RBFOX1: variants seen among roughly 807,000 people sequenced by gnomAD.
RBFOX1 encodes the protein RNA binding fox-1 homolog 1, also known as RNA binding protein fox-1 homolog 1.
RBFOX1 carries 8 observed loss-of-function variants against 57.7 expected under a neutral mutation model. That is an observed-to-expected ratio of 0.14 (90% CI 0.08 to 0.25). RBFOX1 has a LOEUF of 0.25. Among genes scored for constraint, RBFOX1 ranks in the 10% least tolerant of loss-of-function variants. The pLI, the probability that RBFOX1 is intolerant of heterozygous loss-of-function variation, is 1.00. For synonymous variants in RBFOX1, 326 were observed against 222.4 expected (o/e 1.47, Z -4.15); for missense variants, 611 against 548.5 (o/e 1.11, Z -1.14).
intron 4 of RBFOX1, among the ~76,000 whole-genome samples, chr16:7,076,420 A>G (rs577010635): frequency 6.6e-6 from 1 of 152,266 alleles, no homozygotes; most frequent in Admixed American, 6.5e-5. Flanking sequence ...AAAGACCAAG[A>G]AGAGTCCCAT....
chr16:6,693,176 A>C (rs1282755981), intron 3 of RBFOX1, among the ~76,000 whole-genome samples: 1 of 151,184 alleles, frequency 6.6e-6, no homozygotes, highest in East Asian at 2.0e-4. Context: ...CATCATCATC[A>C]CCATCATCCG....
intron 3 of RBFOX1, among the ~76,000 whole-genome samples, chr16:5,756,989 C>T (rs776658697): frequency 6.6e-6 from 1 of 152,144 alleles, no homozygotes; most frequent in Non-Finnish European, 1.5e-5. Context: ...TAATGTTATT[C>T]TTAACACAAT....
intron 2 of RBFOX1, among the ~76,000 whole-genome samples, chr16:6,449,355 C>A: frequency 6.6e-6 from 1 of 152,192 alleles, no homozygotes; most frequent in Non-Finnish European, 1.5e-5. Flanking sequence ...TGAAATGTAA[C>A]AATTATGTTG....
At chr16:7,319,302 T>G (rs1390913791) in intron 4 of RBFOX1, among the ~76,000 whole-genome samples, 1 of 152,206 alleles carries the variant, frequency 6.6e-6, no homozygotes, top group East Asian at 1.9e-4. Flanking sequence ...GTGGTAAATA[T>G]TTAATGGAAT....
intron 2 of RBFOX1, among the ~76,000 whole-genome samples, chr16:6,387,617 A>C (rs923779525): frequency 6.6e-6 from 1 of 152,178 alleles, no homozygotes; most frequent in African/African-American, 2.4e-5. Context: ...AAACAAAGAA[A>C]ATGTCTAGCA....
At chr16:5,987,108 C>T (rs1337366361) in intron 4 of RBFOX1, among the ~76,000 whole-genome samples, 1 of 152,096 alleles carries the variant, frequency 6.6e-6, no homozygotes, top group South Asian at 2.1e-4. Flanking sequence ...ATTTATAGTT[C>T]ATTCCCTGAT....
In RBFOX1 at chr16:6,301,920, CAGA is replaced by C. The variant is rs1247594513; in HGVS notation, c.-126-15070_-126-15068del. The stretch of plus-strand genomic sequence containing the variant: ...TAGCACAGGTAGTCCAGCCACTTGG[CAGA>C]AGAACATCCTGAGGTTCCAAGGGGT... On this transcript the variant is annotated intron_variant, in intron 1 of 15. Transcript: ENST00000550418. Among the ~76,000 whole-genome samples the C allele has an allele frequency of 2.0e-5, 3 of 152,246 alleles. No homozygotes were observed. The East Asian group carries it at 5.8e-4, about 29-fold the overall frequency.
chr16:7,184,723 G>C (rs964375566), intron 4 of RBFOX1, among the ~76,000 whole-genome samples: 3 of 152,136 alleles, frequency 2.0e-5, no homozygotes, highest in Non-Finnish European at 2.9e-5. Context: ...CTAAAAATTT[G>C]GGGCAATGTG....
At chr16:6,614,921 C>G (rs1416613251) in intron 2 of RBFOX1, among the ~76,000 whole-genome samples, 1 of 152,184 alleles carries the variant, frequency 6.6e-6, no homozygotes, top group Non-Finnish European at 1.5e-5. Flanking sequence ...TAGGACTTCA[C>G]CGTATCTTTT....
At chr16:6,186,529 G>A (rs1175895434) in intron 1 of RBFOX1, among the ~76,000 whole-genome samples, 4 of 152,112 alleles carry the variant, frequency 2.6e-5, no homozygotes, top group South Asian at 2.1e-4. Context: ...GGAGAGGGGC[G>A]GGGAGGAGTG....
At chr16:7,466,479 C>G (rs563529871) in intron 4 of RBFOX1, among the ~76,000 whole-genome samples, 3 of 152,114 alleles carry the variant, frequency 2.0e-5, no homozygotes, top group Admixed American at 1.3e-4. Context: ...AAAGTCACCC[C>G]AGGTCCTAGG....
At chr16:5,894,928 C>T (rs1018347134) in intron 4 of RBFOX1, among the ~76,000 whole-genome samples, 1 of 152,030 alleles carries the variant, frequency 6.6e-6, no homozygotes, top group Non-Finnish European at 1.5e-5. Flanking sequence ...GAGGCTGAGG[C>T]AGGAGAATGG....
At chr16:5,332,468 T>G (rs979073432) in intron 1 of RBFOX1, among the ~76,000 whole-genome samples, 2 of 152,048 alleles carry the variant, frequency 1.3e-5, no homozygotes, top group African/African-American at 4.8e-5. Context: ...TTCACCATGT[T>G]GGCCAGGCTG....
chr16:7,554,458 G>C (rs1041606571), intron 5 of RBFOX1, among the ~76,000 whole-genome samples: 1 of 152,166 alleles, frequency 6.6e-6, no homozygotes. Flanking sequence ...GAGCTGAACA[G>C]AGAAAACCAA....
intron 2 of RBFOX1, among the ~76,000 whole-genome samples, chr16:6,437,862 C>A (rs537485872): frequency 1.3e-5 from 2 of 152,156 alleles, no homozygotes; most frequent in Admixed American, 6.5e-5. Context: ...CATTCAGTCA[C>A]GTCCCACCAG....
In RBFOX1 at chr16:5,532,386, T is replaced by TCA. The variant is rs1314982050; in HGVS notation, c.258+65133_258+65134dup. Among the ~76,000 whole-genome samples, 5 of 152,168 alleles carry TCA rather than the reference T, an allele frequency of 3.3e-5. No homozygotes were observed. The East Asian group carries it at 9.6e-4, about 29-fold the overall frequency. ...TTGGCTCAATGTGTAGAATACGGCA[T>TCA]CAGTACCACGTGAAGTTTCTTAGAG... On this transcript the variant is annotated intron_variant, in intron 2 of 2. Transcript: ENST00000585867.
intron 14 of RBFOX1, among the ~76,000 whole-genome samples, chr16:7,688,001 A>G (rs1275295544): frequency 6.6e-6 from 1 of 152,054 alleles, no homozygotes; most frequent in African/African-American, 2.4e-5. Context: ...TTTTATTTAA[A>G]AAACAATCCT....
At chr16:7,529,592 G>T (rs572573265) in intron 5 of RBFOX1, among the ~76,000 whole-genome samples, 32 of 152,224 alleles carry the variant, frequency 2.1e-4, no homozygotes, top group African/African-American at 7.2e-4. Context: ...TTCTTCTTAA[G>T]AATAGCAGCA....
At chr16:7,572,226 A>C (rs3785241) in intron 5 of RBFOX1, among the ~76,000 whole-genome samples, 65,342 of 152,038 alleles carry the variant, frequency 0.43, 14,132 homozygotes, top group South Asian at 0.53. Context: ...ACTTGGATGT[A>C]ATTTCACTCT....
Sources: allele counts gnomAD v4.1 joint callset (sites outside exome capture counted in the v4.1 genomes callset), GRCh38; gene constraint gnomAD v4.1.1; transcripts MANE v1.5; gene names NCBI Gene and HGNC (gene_info 2026-07-23, HGNC 2026-07-21).